Variants in FBN1 observed in about 807,000 individuals in gnomAD.
FBN1 encodes fibrillin 1, also known as fibrillin-1.
A neutral mutation model predicts 365.1 loss-of-function variants in FBN1; 29 were observed. The observed-to-expected ratio is 0.08, with a 90% CI of 0.06 to 0.11. The LOEUF is 0.11. Among genes scored for constraint, FBN1 ranks in the 10% least tolerant of loss-of-function variants. The probability of loss-of-function intolerance (pLI) is 1.00; values close to 1 mark genes in which losing one functional copy is unlikely to be tolerated. For synonymous variants in FBN1, 1,210 were observed against 1,270.5 expected (o/e 0.95, Z 1.01); for missense variants, 2,476 against 3,703.2 (o/e 0.67, Z 8.60).
At position 48,483,879 on chromosome 15, in the gene FBN1, T is replaced by C; in HGVS notation, c.3777A>G (p.Gly1259=). 1 of 1,613,734 alleles carries C rather than the reference T, an allele frequency of 6.2e-7. No homozygotes were observed. Among genetic ancestry groups the C allele is most frequent in the Non-Finnish European group, 8.5e-7 (1 of 1,179,932 alleles). ...CDGGQCTNIP[G]EYRCLCYDGF... ...CATCATAACACAAGCACCTGTACTC[T>C]CCAGGGATATTTGTGCACTGACCAC... The change falls in exon 31 of 66, where the codon GGA becomes GGG. Residue 1259 remains glycine, a synonymous_variant. Coordinates refer to ENST00000316623, the MANE Select transcript of FBN1 (RefSeq NM_000138.5).
chr15:48,589,383 A>G (rs1388027020), intron 6 of FBN1, among the ~76,000 whole-genome samples: 1 of 152,080 alleles, frequency 6.6e-6, no homozygotes, highest in Non-Finnish European at 1.5e-5. Flanking sequence ...TTCATACCAC[A>G]TATGTGCAGC....
intron 50 of FBN1, among the ~76,000 whole-genome samples, chr15:48,439,877 T>C (rs759232830): frequency 6.6e-6 from 1 of 152,214 alleles, no homozygotes; most frequent in Non-Finnish European, 1.5e-5. Context: ...CTGTGGTCTT[T>C]TGTGCCAGGC....
At chr15:48,524,917 T>C (rs1202725604) in intron 9 of FBN1, among the ~76,000 whole-genome samples, 1 of 152,188 alleles carries the variant, frequency 6.6e-6, no homozygotes, top group Non-Finnish European at 1.5e-5. Context: ...AGAAAGTAAC[T>C]TTTAAAATGT....
Position 48,435,709 on chromosome 15 carries a change from T to C in FBN1, c.6497-996A>G, listed in dbSNP as rs1251452676. On this transcript the variant is annotated intron_variant, in intron 53 of 65. Transcript: ENST00000316623. ...GTGTGTGCATGTGTGTGTGTATATA[T>C]ATGTGTGTATATATATGTGTATATA... is the stretch of plus-strand genomic sequence containing the variant. 4.7e-5 allele frequency among the ~76,000 whole-genome samples: 7 copies of C among 149,528 alleles called. No individual in the cohort carries two copies. In the East Asian group the frequency reaches 1.2e-3, roughly 25 times the overall value.
Position 48,515,425 on chromosome 15 carries a change from T to A in FBN1, c.1430A>T (p.Asn477Ile). The change falls in exon 12 of 66, where the codon AAC becomes ATC. Residue 477 changes from asparagine (N) to isoleucine (I), a missense_variant. This residue lies in a region of FBN1 where 421 missense variants were observed against 520.1 expected (regional missense o/e 0.81). Coordinates refer to ENST00000316623, the MANE Select transcript of FBN1 (RefSeq NM_000138.5). ...ACGGAGGTCCAGCTGGAACCCTTTG[T>A]TGCACTCACACCGGTAACTCCCAGG... ...PTPGSYRCEC[N>I]KGFQLDLRGE... The A allele has an allele frequency of 1.2e-6, 2 of 1,614,012 alleles. No homozygotes were observed. The highest frequency in any genetic ancestry group is 1.3e-5 in the African/African-American group (1 of 75,016).
chr15:48,549,165 G>A (rs1182712994), intron 6 of FBN1, among the ~76,000 whole-genome samples: 1 of 152,204 alleles, frequency 6.6e-6, no homozygotes, highest in East Asian at 1.9e-4. Flanking sequence ...CTAGTTATGG[G>A]TTCTTAACTT....
At chr15:48,506,489 T>C (rs533563297) in intron 15 of FBN1, among the ~76,000 whole-genome samples, 5 of 152,340 alleles carry the variant, frequency 3.3e-5, no homozygotes, top group African/African-American at 9.6e-5. Flanking sequence ...GGTCAACTTT[T>C]TATTCAAATT....
chr15:48,585,817 T>C (rs1040887282), intron 6 of FBN1, among the ~76,000 whole-genome samples: 1 of 152,192 alleles, frequency 6.6e-6, no homozygotes, highest in Non-Finnish European at 1.5e-5. Context: ...CCAAATTGAC[T>C]TTTTAAAGAA....
rs2044271800 is a variant in FBN1, at chr15:48,568,034, A to AAAGG, written c.538+28248_538+28249insCCTT. Among the ~76,000 whole-genome samples the AAAGG allele has an allele frequency of 6.7e-5, 7 of 103,810 alleles. No homozygotes were observed. The South Asian group carries it at 2.0e-3, about 30-fold the overall frequency. 68.1% of individuals were successfully genotyped at this position (103,810 alleles called of 152,430 possible). A position where few individuals can be genotyped will look rare whatever the true frequency, so the allele number is the denominator to read the frequency against. ...GAAAGAAAGAAAGAAAGAAAGAAAG[A>AAAGG]AAGAAAGAAAGAAAGAAGAAAGAAA... is the stretch of plus-strand genomic sequence containing the variant. On this transcript the variant is annotated intron_variant, in intron 6 of 65. Coordinates refer to ENST00000316623, the MANE Select transcript of FBN1 (RefSeq NM_000138.5).
chr15:48,487,295 A>G lies in FBN1; in HGVS notation c.3463+17T>C. The G allele has an allele frequency of 1.2e-6, 2 of 1,614,242 alleles. No homozygotes were observed. The highest frequency in any genetic ancestry group is 1.7e-6 in the Non-Finnish European group (2 of 1,180,042). ...CAACTGACCACAAGTAAATGGTGTGAAAGTCTTTCTCCTTACCGATACACG... is the reference window on the plus strand; with the variant it reads ...CAACTGACCACAAGTAAATGGTGTGGAAGTCTTTCTCCTTACCGATACACG... On this transcript the variant is annotated intron_variant, in intron 28 of 65. Coordinates refer to ENST00000316623, the MANE Select transcript of FBN1 (RefSeq NM_000138.5).
intron 54 of FBN1, among the ~76,000 whole-genome samples, chr15:48,433,900 G>C (rs993586074): frequency 2.6e-5 from 4 of 152,180 alleles, no homozygotes; most frequent in Admixed American, 6.5e-5. Flanking sequence ...CTACTTGAGA[G>C]TGTATCAGAT....
Position 48,408,957 on chromosome 15 carries a change from T to G in FBN1, c.*2033A>C, listed in dbSNP as rs2042839934. The G allele has an allele frequency of 1.3e-5, 2 of 152,236 alleles. No individual in the cohort carries two copies. Among genetic ancestry groups the G allele is most frequent in the African/African-American group, 4.8e-5 (2 of 41,464 alleles). The allele number at this position is 152,236 out of a possible 1,614,324, so 9.4% of individuals were successfully genotyped here. A position where few individuals can be genotyped will look rare whatever the true frequency, so the allele number is the denominator to read the frequency against. ...GCTATATATTCTTCGATAACAATTTTAATACACCTCTATCACATGGTTCCA... is the reference window on the plus strand; with the variant it reads ...GCTATATATTCTTCGATAACAATTTGAATACACCTCTATCACATGGTTCCA... On this transcript the variant is annotated 3_prime_UTR_variant, in exon 66 of 66. Coordinates refer to ENST00000316623, the MANE Select transcript of FBN1 (RefSeq NM_000138.5).
intron 32 of FBN1, among the ~76,000 whole-genome samples, chr15:48,476,221 G>C (rs1316324252): frequency 6.6e-6 from 1 of 152,174 alleles, no homozygotes; most frequent in Non-Finnish European, 1.5e-5. Context: ...CTCCCAAGCA[G>C]GGCTGTCGAA....
chr15:48,433,601 G>A (rs1421582719), intron 54 of FBN1, among the ~76,000 whole-genome samples: 1 of 152,006 alleles, frequency 6.6e-6, no homozygotes, highest in Non-Finnish European at 1.5e-5. Context: ...TACTGTTAAT[G>A]GAAAAAAAGT....
In FBN1 at chr15:48,505,033, A is replaced by G. The variant is rs1393196845; in HGVS notation, c.1952T>C (p.Val651Ala). 8.7e-6 allele frequency: 14 copies of G among 1,613,984 alleles called. No homozygotes were observed. Among genetic ancestry groups the G allele is most frequent in the African/African-American group, 1.3e-5 (1 of 74,890 alleles). The change falls in exon 16 of 66, where the codon GTG becomes GCG. Residue 651 changes from valine to alanine, a missense_variant. Transcript: ENST00000316623. ...PGLAVGLDGR[V>A]CVDTHMRSTC... ...CCATGATGTTTTCTTACCAACACAC[A>G]CACGGCCATCCAGACCCACAGCCAG...
At chr15:48,427,481 G>A in intron 58 of FBN1, 86 bp downstream of exon 58, 1 of 1,405,600 alleles carries the variant, frequency 7.1e-7, no homozygotes, top group South Asian at 1.2e-5. Flanking sequence ...GGCACATATT[G>A]CAAACTCCAT....
intron 6 of FBN1, among the ~76,000 whole-genome samples, chr15:48,561,593 C>T (rs565325483): frequency 2.3e-4 from 35 of 152,126 alleles, no homozygotes; most frequent in Non-Finnish European, 4.4e-4. Context: ...CCATTACACT[C>T]AATTCAAAAT....
In FBN1 at chr15:48,492,488, A is replaced by G; in HGVS notation, c.2827T>C (p.Leu943=). The change falls in exon 24 of 66, where the codon TTG becomes CTG. Residue 943 remains leucine (L), a synonymous_variant. Coordinates refer to ENST00000316623, the MANE Select transcript of FBN1 (RefSeq NM_000138.5). ...AGACAGATCCTTCCTGTGGCATCCA[A>G]AGTCATTCCACTGGGACACTGACAC... ...FKCQCPSGMT[L]DATGRICLDI... 6.2e-7 allele frequency: 1 copy of G among 1,613,722 alleles called. No individual in the cohort carries two copies. Among genetic ancestry groups the G allele is most frequent in the Non-Finnish European group, 8.5e-7 (1 of 1,179,648 alleles).
intron 17 of FBN1, among the ~76,000 whole-genome samples, chr15:48,502,005 T>C (rs1196273315): frequency 6.6e-6 from 1 of 152,112 alleles, no homozygotes; most frequent in Non-Finnish European, 1.5e-5. Context: ...GCAGTTTTTT[T>C]CTTTAAATAG....
Sources: allele counts gnomAD v4.1 joint callset (sites outside exome capture counted in the v4.1 genomes callset), GRCh38; gene constraint gnomAD v4.1.1; regional missense constraint gnomAD v4.1.1; transcripts MANE v1.5; gene names NCBI Gene and HGNC (gene_info 2026-07-23, HGNC 2026-07-21).